Variants in PRKN observed in about 807,000 individuals in gnomAD.
PRKN encodes parkin RBR E3 ubiquitin protein ligase.
A neutral mutation model predicts 59.5 loss-of-function variants in PRKN; 56 were observed. That is an observed-to-expected ratio of 0.94 (90% CI 0.76 to 1.18). PRKN has a LOEUF of 1.18. Ranked by LOEUF, PRKN falls within the 50% of genes most tolerant of loss-of-function variation. The pLI is 0.00. For missense variants in PRKN, 657 were observed against 596.4 expected, an observed-to-expected ratio of 1.10 and a Z score of -1.06; for synonymous variants, 250 against 222.1, an observed-to-expected ratio of 1.13 and a Z score of -1.12.
chr6:162,332,691 G>T (rs1783636687), intron 2 of PRKN, among the ~76,000 whole-genome samples: 1 of 152,084 alleles, frequency 6.6e-6, no homozygotes, highest in South Asian at 2.1e-4. Flanking sequence ...ATAACCAATA[G>T]CAAATCTTGG....
chr6:162,137,486 A>G (rs1193514809), intron 4 of PRKN, among the ~76,000 whole-genome samples: 1 of 152,206 alleles, frequency 6.6e-6, no homozygotes, highest in East Asian at 1.9e-4. Context: ...CTAGAAAAAT[A>G]GAGAAACAAC....
chr6:162,483,432 A>G (rs1220248431), intron 1 of PRKN, among the ~76,000 whole-genome samples: 1 of 152,112 alleles, frequency 6.6e-6, no homozygotes, highest in Non-Finnish European at 1.5e-5. Context: ...TAGAAAATAT[A>G]TATTTAAAAA....
intron 4 of PRKN, among the ~76,000 whole-genome samples, chr6:162,077,686 A>G (rs1778884413): frequency 6.6e-6 from 1 of 152,022 alleles, no homozygotes; most frequent in Non-Finnish European, 1.5e-5. Context: ...AAAAATTAAG[A>G]GTTTTCTTTA....
At chr6:161,950,722 T>C (rs1003608802) in intron 6 of PRKN, among the ~76,000 whole-genome samples, 2 of 152,042 alleles carry the variant, frequency 1.3e-5, no homozygotes, top group African/African-American at 4.8e-5. Flanking sequence ...TACAGACTGG[T>C]TTATCAGGTA....
rs971332429 is a variant in PRKN at position 161,440,166 on chromosome 6, G to A, written c.1084-53289C>T. ...GACGGGGTTTCACCGTGTTAGCCAGGATGCTCTCCATCTCCTGACCTCGTG... is the reference window on the plus strand; with the variant it reads ...GACGGGGTTTCACCGTGTTAGCCAGAATGCTCTCCATCTCCTGACCTCGTG... On this transcript the variant is annotated intron_variant, in intron 9 of 11. Transcript: ENST00000366898. This position sits in a 1 kb window ranked among gnomAD's most constrained non-coding sequence, Gnocchi z 4.1. Among the ~76,000 whole-genome samples, 18 of 151,960 alleles carry A rather than the reference G, an allele frequency of 1.2e-4. No homozygotes were observed. The highest frequency in any genetic ancestry group is 3.6e-4 in the African/African-American group (15 of 41,368).
intron 2 of PRKN, among the ~76,000 whole-genome samples, chr6:162,378,420 T>G (rs1026256989): frequency 4.6e-5 from 7 of 152,334 alleles, no homozygotes; most frequent in Admixed American, 2.6e-4. Flanking sequence ...GTTTAATGTG[T>G]TTTCAATGAG....
rs1303266290 is a variant in PRKN at position 161,551,279 on chromosome 6, C to G, written c.934-2276G>C. On this transcript the variant is annotated intron_variant, in intron 8 of 11. Coordinates refer to ENST00000366898, the MANE Select transcript of PRKN (RefSeq NM_004562.3). The surrounding 1 kb of genome is among the most constrained non-coding windows in gnomAD (Gnocchi z 5.2). ...ACAGCCCCAAATGCCAAGGAAGGAC[C>G]TGGGGAGGCGCGCTGGCGACCTGAA... Among the ~76,000 whole-genome samples the G allele has an allele frequency of 2.0e-5, 3 of 152,178 alleles. No homozygotes were observed. Among genetic ancestry groups the G allele is most frequent in the Non-Finnish European group, 4.4e-5 (3 of 68,040 alleles).
intron 5 of PRKN, among the ~76,000 whole-genome samples, chr6:162,049,387 A>G (rs1777531995): frequency 6.6e-6 from 1 of 152,182 alleles, no homozygotes; most frequent in African/African-American, 2.4e-5. Context: ...GTGAAAATGC[A>G]ATCCAGAAAA....
chr6:162,152,791 T>C (rs546483764), intron 4 of PRKN, among the ~76,000 whole-genome samples: 1 of 152,294 alleles, frequency 6.6e-6, no homozygotes, highest in African/African-American at 2.4e-5. Context: ...TTGTATCTCA[T>C]AGAAAGAGTA....
At position 161,612,582 on chromosome 6, in the gene PRKN, G is replaced by T. The variant is rs560556853; in HGVS notation, c.872-43166C>A. Among the ~76,000 whole-genome samples, 6 of 152,086 alleles carry T rather than the reference G, an allele frequency of 3.9e-5. No homozygotes were observed. In the East Asian group the frequency reaches 1.2e-3, roughly 30 times the overall value. ...CTAAAAATACAAAAATTAGCCAGGC[G>T]TGGTGGCGTGAGCCTGTAGTCCCAG... On this transcript the variant is annotated intron_variant, in intron 7 of 11. Transcript: ENST00000366898.
chr6:162,542,059 T>C (rs1778947315), intron 1 of PRKN, among the ~76,000 whole-genome samples: 1 of 152,118 alleles, frequency 6.6e-6, no homozygotes, highest in South Asian at 2.1e-4. Flanking sequence ...GCAGAAGTGA[T>C]ATTACAGATA....
At chr6:161,836,645 C>T (rs975572194) in intron 6 of PRKN, among the ~76,000 whole-genome samples, 27 of 152,114 alleles carry the variant, frequency 1.8e-4, no homozygotes, top group Admixed American at 1.7e-3. Context: ...GATTTCTCCA[C>T]GGAGAAAAAC....
intron 6 of PRKN, among the ~76,000 whole-genome samples, chr6:161,795,425 G>T (rs1459452988): frequency 6.6e-6 from 1 of 151,494 alleles, no homozygotes; most frequent in Non-Finnish European, 1.5e-5. Context: ...GTAGAGATGG[G>T]GTCTCGCCAT....
intron 4 of PRKN, among the ~76,000 whole-genome samples, chr6:162,192,418 G>T (rs921165093): frequency 6.9e-6 from 1 of 144,932 alleles, no homozygotes; most frequent in African/African-American, 2.5e-5. Context: ...ATGATTTATG[G>T]TAAGCATTCA....
At chr6:162,358,081 T>A (rs1468978547) in intron 2 of PRKN, among the ~76,000 whole-genome samples, 1 of 152,158 alleles carries the variant, frequency 6.6e-6, no homozygotes, top group East Asian at 1.9e-4. Flanking sequence ...AATAATAACG[T>A]ATCAATATTG....
intron 5 of PRKN, among the ~76,000 whole-genome samples, chr6:161,976,488 C>T (rs952583715): frequency 2.0e-5 from 3 of 152,196 alleles, no homozygotes; most frequent in African/African-American, 7.2e-5. Context: ...TTCCCCACAG[C>T]AGCATGGAAA....
At chr6:162,011,115 AATATAT>A (rs1308420178) in intron 5 of PRKN, among the ~76,000 whole-genome samples, 2 of 2,786 alleles carry the variant, frequency 7.2e-4, no homozygotes, top group Non-Finnish European at 5.8e-4. Context: ...TATAATATAT[AATATAT>A]TTATAATATA....
chr6:162,170,038 A>ATG (rs1783198500), intron 4 of PRKN, among the ~76,000 whole-genome samples: 3 of 152,210 alleles, frequency 2.0e-5, no homozygotes, highest in Non-Finnish European at 4.4e-5. Context: ...GAAATTCACC[A>ATG]CTATACATTT....
intron 1 of PRKN, among the ~76,000 whole-genome samples, chr6:162,469,349 C>CGGGGGGGGGGG (rs1562787728): frequency 1.7e-4 from 10 of 57,780 alleles, no homozygotes; most frequent in African/African-American, 2.5e-4. Flanking sequence ...GGGGGGGTTG[C>CGGGGGGGGGGG]AGGGGGGGGT....
Sources: allele counts gnomAD v4.1 joint callset (sites outside exome capture counted in the v4.1 genomes callset), GRCh38; gene constraint gnomAD v4.1.1; non-coding constraint Gnocchi (gnomAD v3.1); transcripts MANE v1.5; gene names NCBI Gene and HGNC (gene_info 2026-07-23, HGNC 2026-07-21).